UEVLD: variants seen among roughly 807,000 people sequenced by gnomAD.
The protein encoded by UEVLD is UEV and lactate/malate dehyrogenase domains.
UEVLD carries 47 observed loss-of-function variants against 58.6 expected under a neutral mutation model. That is an observed-to-expected ratio of 0.80 (90% CI 0.63 to 1.02). The LOEUF is 1.02. Ranked by LOEUF, UEVLD falls within the 50% of genes least tolerant of loss-of-function variation. UEVLD has a pLI of 0.00. For synonymous variants in UEVLD, 197 were observed against 195.3 expected (o/e 1.01, Z -0.07); for missense variants, 510 against 550.6 (o/e 0.93, Z 0.74).
Position 18,529,737 on chromosome 11 carries a change from C to G in UEVLD, c.*2583G>C, listed in dbSNP as rs910858169. ...ATCCAAACCCCACTAAAAATTATAACAAGCTCTGCATGATTTCATAAAAAT... is the reference window on the plus strand; with the variant it reads ...ATCCAAACCCCACTAAAAATTATAAGAAGCTCTGCATGATTTCATAAAAAT... On this transcript the variant is annotated 3_prime_UTR_variant, in exon 12 of 12. Transcript: ENST00000396197. 1.3e-5 allele frequency: 2 copies of G among 152,294 alleles called. No individual in the cohort carries two copies. The highest frequency in any genetic ancestry group is 6.5e-5 in the Admixed American group (1 of 15,302). The allele number at this position is 152,294 out of a possible 1,614,324, so 9.4% of individuals were successfully genotyped here.
intron 6 of UEVLD, among the ~76,000 whole-genome samples, chr11:18,560,358 A>C (rs1472718278): frequency 1.3e-5 from 2 of 152,186 alleles, no homozygotes; most frequent in East Asian, 1.9e-4. Flanking sequence ...TTCATTTATA[A>C]GGCACAAAAA....
intron 4 of UEVLD, 38 bp downstream of exon 4, chr11:18,570,176 A>G (rs780295784): frequency 6.4e-7 from 1 of 1,567,078 alleles, no homozygotes; most frequent in Non-Finnish European, 8.6e-7. Context: ...TTTAAAAAAA[A>G]AAAAAAGCTT....
chr11:18,561,620 T>C (rs1385269131), intron 6 of UEVLD, among the ~76,000 whole-genome samples: 4 of 152,108 alleles, frequency 2.6e-5, no homozygotes, highest in African/African-American at 7.2e-5. Flanking sequence ...GGCGGGCAGA[T>C]TGCCTGAGGT....
At chr11:18,549,293 T>A (rs1851429554) in intron 7 of UEVLD, among the ~76,000 whole-genome samples, 1 of 152,228 alleles carries the variant, frequency 6.6e-6, no homozygotes, top group Non-Finnish European at 1.5e-5. Flanking sequence ...AGTGGACAGT[T>A]CAATTTATAA....
chr11:18,544,867 T>C, intron 8 of UEVLD, 71 bp from the exon 9 acceptor site: 1 of 1,169,216 alleles, frequency 8.6e-7, no homozygotes, highest in Non-Finnish European at 1.1e-6. Flanking sequence ...CTCACAAATA[T>C]TTATTATTTT....
At chr11:18,563,139 A>C (rs1171323753) in intron 6 of UEVLD, among the ~76,000 whole-genome samples, 1 of 152,122 alleles carries the variant, frequency 6.6e-6, no homozygotes, top group East Asian at 1.9e-4. Context: ...CAAATAAATA[A>C]AACTTAGTAC....
rs1850514251 is a variant in UEVLD, at chr11:18,530,256, AATTC to A, written c.*2060_*2063del. Reference sequence around the variant, plus strand: ...ATACATTGTTAGAGTAACATGAACTAATTCACGTGCATATTGAAATTAGATAGAA... The same window carrying A: ...ATACATTGTTAGAGTAACATGAACTAACGTGCATATTGAAATTAGATAGAA... On this transcript the variant is annotated 3_prime_UTR_variant, in exon 12 of 12. Coordinates refer to ENST00000396197, the MANE Select transcript of UEVLD (RefSeq NM_001040697.4). The A allele has an allele frequency of 6.6e-6, 1 of 152,244 alleles. No homozygotes were observed. The allele number at this position is 152,244 out of a possible 1,614,324, so 9.4% of individuals were successfully genotyped here.
At chr11:18,541,690 T>C (rs1006157588) in intron 9 of UEVLD, among the ~76,000 whole-genome samples, 1 of 152,194 alleles carries the variant, frequency 6.6e-6, no homozygotes, top group African/African-American at 2.4e-5. Flanking sequence ...AGTGAAGAAA[T>C]CACTGTGAAG....
At chr11:18,564,053 G>A in intron 6 of UEVLD, 1 of 262,334 alleles carries the variant, frequency 3.8e-6, no homozygotes, top group South Asian at 3.8e-5. Flanking sequence ...AATGGAGGGT[G>A]AAAGAAATAA....
rs183236222 is a variant in UEVLD, at chr11:18,577,237, A to C, written c.127+1487T>G. On this transcript the variant is annotated intron_variant, in intron 2 of 11. Transcript: ENST00000396197. ...GTCTCCCGCAAAAACAAACCAAAAAACAAAAAACAAACAAACAAAAAAACA... is the reference window on the plus strand; with the variant it reads ...GTCTCCCGCAAAAACAAACCAAAAACCAAAAAACAAACAAACAAAAAAACA... Among the ~76,000 whole-genome samples, 139 of 152,332 alleles carry C rather than the reference A, an allele frequency of 9.1e-4. 1 individual carries two copies. The highest frequency in any genetic ancestry group is 3.0e-3 in the African/African-American group (124 of 41,576).
At chr11:18,549,828 A>AT (rs955979786) in intron 7 of UEVLD, among the ~76,000 whole-genome samples, 27 of 146,436 alleles carry the variant, frequency 1.8e-4, no homozygotes, top group Non-Finnish European at 3.3e-4. Context: ...TATTTATTTA[A>AT]TTTTTTTTTT....
At chr11:18,551,407 AG>A (rs2133987927) in intron 7 of UEVLD, among the ~76,000 whole-genome samples, 1 of 118,458 alleles carries the variant, frequency 8.4e-6, no homozygotes, top group Non-Finnish European at 1.9e-5. Context: ...TGGGCAACCG[AG>A]TAAGACTCCA....
chr11:18,536,377 G>C (rs992971692), intron 10 of UEVLD, 29 bp downstream of exon 10: 7 of 1,604,834 alleles, frequency 4.4e-6, no homozygotes, highest in Non-Finnish European at 6.0e-6. Context: ...TTTTTCGTTG[G>C]ATAAATGCAA....
chr11:18,577,592 G>A (rs1400308246), intron 2 of UEVLD, among the ~76,000 whole-genome samples: 2 of 152,112 alleles, frequency 1.3e-5, no homozygotes, highest in African/African-American at 2.4e-5. Context: ...GCCCATGGTC[G>A]GGCACAGTGG....
chr11:18,556,610 C>T (rs1245361942), intron 7 of UEVLD, among the ~76,000 whole-genome samples: 1 of 152,140 alleles, frequency 6.6e-6, no homozygotes, highest in African/African-American at 2.4e-5. Flanking sequence ...CGACCTTACC[C>T]ATAACTTGGT....
In UEVLD at chr11:18,587,097, GA is replaced by G. The variant is rs942347136; in HGVS notation, c.42+1515del. On this transcript the variant is annotated intron_variant, in intron 1 of 11. Transcript: ENST00000396197. ...AGACTCTATGCTATGCACTGATGGG[GA>G]AAAAAAAATCCTCTACTATTCTACT... Among the ~76,000 whole-genome samples, 21 of 151,004 alleles carry G rather than the reference GA, an allele frequency of 1.4e-4. 1 individual carries two copies. Among genetic ancestry groups the G allele is most frequent in the Admixed American group, 4.6e-4 (7 of 15,160 alleles).
At chr11:18,549,929 C>T (rs1851456529) in intron 7 of UEVLD, among the ~76,000 whole-genome samples, 2 of 151,840 alleles carry the variant, frequency 1.3e-5, no homozygotes, top group African/African-American at 4.8e-5. Context: ...TCAAGTGATT[C>T]TCCTGCGTCT....
rs1008264194 is a variant in UEVLD at position 18,537,172 on chromosome 11, T to C, written c.1061-703A>G. Among the ~76,000 whole-genome samples, 14 of 151,710 alleles carry C rather than the reference T, an allele frequency of 9.2e-5. 1 individual carries two copies. ...CTTCGGCCTCCCAAAGTGCTAGGATTACAGGCTTGAGCCACCACACCCAGC... is the reference window on the plus strand; with the variant it reads ...CTTCGGCCTCCCAAAGTGCTAGGATCACAGGCTTGAGCCACCACACCCAGC... On this transcript the variant is annotated intron_variant, in intron 9 of 11. Coordinates refer to ENST00000396197, the MANE Select transcript of UEVLD (RefSeq NM_001040697.4).
intron 7 of UEVLD, among the ~76,000 whole-genome samples, chr11:18,557,616 T>C (rs2134002516): frequency 6.6e-6 from 1 of 151,394 alleles, no homozygotes; most frequent in South Asian, 2.1e-4. Context: ...GTGGTGGCTA[T>C]TCACAGTCAC....
Sources: gnomAD v4.1 joint callset for allele counts (sites outside exome capture counted in the v4.1 genomes callset) on GRCh38, gnomAD v4.1.1 for gene constraint, MANE v1.5 for transcripts, NCBI Gene and HGNC (gene_info 2026-07-23, HGNC 2026-07-21) for gene names.